GULP1: variants seen among roughly 807,000 people sequenced by gnomAD.
GULP1 encodes GULP PTB domain containing engulfment adaptor 1.
A neutral mutation model predicts 40.9 loss-of-function variants in GULP1; 19 were observed. That is an observed-to-expected ratio of 0.46 (90% CI 0.32 to 0.68). The LOEUF is 0.68. Among genes scored for constraint, GULP1 ranks in the 30% least tolerant of loss-of-function variants. The probability of loss-of-function intolerance (pLI) is 0.03; values close to 1 mark genes in which losing one functional copy is unlikely to be tolerated. For missense variants in GULP1, 312 were observed against 362.2 expected (o/e 0.86, Z 1.12); for synonymous variants, 119 against 117.6 (o/e 1.01, Z -0.08).
chr2:188,412,636 A>G (rs530852185), intron 2 of GULP1, among the ~76,000 whole-genome samples: 2 of 152,174 alleles, frequency 1.3e-5, no homozygotes, highest in Non-Finnish European at 2.9e-5. Flanking sequence ...TTGAAGTGGT[A>G]TTGGGCATCT....
intron 4 of GULP1, among the ~76,000 whole-genome samples, chr2:188,496,031 G>C (rs1055394975): frequency 1.3e-5 from 2 of 151,864 alleles, no homozygotes; most frequent in Non-Finnish European, 2.9e-5. Context: ...CTCTCTTCCT[G>C]CCCTGTCTCC....
rs572306834 is a variant in GULP1, at chr2:188,594,229, C to T, written c.*218C>T. On this transcript the variant is annotated 3_prime_UTR_variant, in exon 12 of 12. Transcript: ENST00000409830. Reference sequence around the variant, plus strand: ...TAAAGTAGATCATACTTTTATGTTCCTTTCTGTTTCTACTGTAGATGAATT... The same window carrying T: ...TAAAGTAGATCATACTTTTATGTTCTTTTCTGTTTCTACTGTAGATGAATT... 4.3e-5 allele frequency: 15 copies of T among 346,802 alleles called. No homozygotes were observed. Among genetic ancestry groups the T allele is most frequent in the African/African-American group, 3.1e-4 (15 of 47,768 alleles). 21.5% of individuals were successfully genotyped at this position (346,802 alleles called of 1,614,324 possible).
At chr2:188,515,547 C>T (rs767657302) in intron 4 of GULP1, among the ~76,000 whole-genome samples, 5 of 152,106 alleles carry the variant, frequency 3.3e-5, no homozygotes, top group African/African-American at 4.8e-5. Context: ...TTCTTCCTTA[C>T]ATCTTATTAA....
At chr2:188,387,380 G>A (rs2049924821) in intron 2 of GULP1, among the ~76,000 whole-genome samples, 1 of 152,122 alleles carries the variant, frequency 6.6e-6, no homozygotes. Context: ...ACTGTGATTA[G>A]CAATGGCAGT....
chr2:188,441,134 A>G (rs2152865080), intron 2 of GULP1, among the ~76,000 whole-genome samples: 1 of 152,314 alleles, frequency 6.6e-6, no homozygotes, highest in South Asian at 2.1e-4. Context: ...GGAGATGAAT[A>G]TAATATACCT....
intron 7 of GULP1, among the ~76,000 whole-genome samples, chr2:188,559,410 G>A (rs769709722): frequency 1.5e-4 from 23 of 152,194 alleles, no homozygotes; most frequent in Non-Finnish European, 3.1e-4. Context: ...GAAACTCCTG[G>A]ATGCCCAGGC....
At chr2:188,327,948 A>G (rs988983174) in intron 1 of GULP1, among the ~76,000 whole-genome samples, 3 of 152,120 alleles carry the variant, frequency 2.0e-5, no homozygotes, top group Admixed American at 6.6e-5. Context: ...GAAACTTCCT[A>G]CTTCTCCCAC....
chr2:188,361,983 A>G (rs904117505), intron 1 of GULP1, among the ~76,000 whole-genome samples: 3 of 152,012 alleles, frequency 2.0e-5, no homozygotes, highest in African/African-American at 7.2e-5. Context: ...ACTGAGATTT[A>G]TTGTTCCTCA....
intron 2 of GULP1, among the ~76,000 whole-genome samples, chr2:188,385,572 G>A (rs1040244725): frequency 2.6e-4 from 39 of 152,248 alleles, no homozygotes; most frequent in African/African-American, 8.9e-4. Context: ...CTCAGAAAAC[G>A]GGATTTTCTT....
chr2:188,529,170 T>C lies in GULP1; in HGVS notation c.236T>C (p.Val79Ala). Residue 79 changes from valine to alanine, a missense_variant, in exon 6 of 12, where the codon GTA (valine) becomes GCA (alanine). Physicochemically the swap from Val to Ala is moderately conservative, Grantham distance 64. Transcript: ENST00000409830. ...KVELQISIYGVKILEPKTKEV... is the reference protein window; with the variant it reads ...KVELQISIYGAKILEPKTKEV... ...GAGTTGCAAATATCAATTTATGGAG[T>C]AAAAATTCTAGAACCCAAAACAAAG... 6.4e-7 allele frequency: 1 copy of C among 1,570,262 alleles called. No homozygotes were observed. Among genetic ancestry groups the C allele is most frequent in the Non-Finnish European group, 8.7e-7 (1 of 1,147,048 alleles).
Position 188,569,374 on chromosome 2 carries a change from T to C in GULP1, c.516+19T>C, listed in dbSNP as rs1428973025. 1 of 1,154,986 alleles carries C rather than the reference T, an allele frequency of 8.7e-7. No individual in the cohort carries two copies. The highest frequency in any genetic ancestry group is 2.3e-5 in the East Asian group (1 of 42,782). 71.5% of individuals were successfully genotyped at this position (1,154,986 alleles called of 1,614,324 possible). ...AAAAAGAGTGAGTAAACTAAGCTTG[T>C]TGTTTTACATTTGTGTGATGTAAGT... On this transcript the variant is annotated intron_variant, in intron 8 of 11. Transcript: ENST00000409830.
chr2:188,312,094 A>G (rs2038248837), intron 1 of GULP1, among the ~76,000 whole-genome samples: 1 of 151,558 alleles, frequency 6.6e-6, no homozygotes, highest in African/African-American at 2.4e-5. Flanking sequence ...CCATACCTAG[A>G]TTTGCTATTG....
At chr2:188,332,999 T>G (rs2041815653) in intron 1 of GULP1, among the ~76,000 whole-genome samples, 1 of 151,858 alleles carries the variant, frequency 6.6e-6, no homozygotes, top group Non-Finnish European at 1.5e-5. Context: ...ATCCCAGCAG[T>G]TTTGGGAGGA....
chr2:188,445,998 G>T (rs188202013), intron 2 of GULP1, among the ~76,000 whole-genome samples: 2 of 152,188 alleles, frequency 1.3e-5, no homozygotes, highest in East Asian at 3.9e-4. Flanking sequence ...ACTATTAGCT[G>T]CCCATTCTTC....
chr2:188,588,002 G>A (rs750077030), intron 11 of GULP1, 53 bp downstream of exon 11: 1 of 920,906 alleles, frequency 1.1e-6, no homozygotes, highest in Admixed American at 1.7e-5. Flanking sequence ...TTTGATATGG[G>A]ACAAAGAGAA....
intron 5 of GULP1, among the ~76,000 whole-genome samples, chr2:188,524,809 TC>T (rs1470474014): frequency 6.6e-6 from 1 of 151,792 alleles, no homozygotes; most frequent in East Asian, 1.9e-4. Context: ...TGCTTATTTT[TC>T]TTTAACATAT....
At chr2:188,389,289 A>G (rs371984966) in intron 2 of GULP1, among the ~76,000 whole-genome samples, 1 of 152,160 alleles carries the variant, frequency 6.6e-6, no homozygotes, top group African/African-American at 2.4e-5. Context: ...CCTTATTGAG[A>G]ATTGAGGAAT....
rs1397310333 is a variant in GULP1 at position 188,388,027 on chromosome 2, C to T, written c.-45+4138C>T. Among the ~76,000 whole-genome samples the T allele has an allele frequency of 4.0e-5, 6 of 150,020 alleles. No individual in the cohort carries two copies. The East Asian group carries it at 6.0e-4, about 15-fold the overall frequency. ...GTATATCTCCTAATGCTATCCCTCC[C>T]GCCTCCCCCCACCCCACAACAGTCC... On this transcript the variant is annotated intron_variant, in intron 2 of 11. Transcript: ENST00000409830.
chr2:188,412,861 T>C (rs1456504691), intron 2 of GULP1, among the ~76,000 whole-genome samples: 2 of 152,236 alleles, frequency 1.3e-5, no homozygotes, highest in Non-Finnish European at 1.5e-5. Flanking sequence ...CTTTAGTGCC[T>C]GCTTTGTTTC....
Sources: allele counts gnomAD v4.1 joint callset (sites outside exome capture counted in the v4.1 genomes callset), GRCh38; gene constraint gnomAD v4.1.1; transcripts MANE v1.5; gene names NCBI Gene and HGNC (gene_info 2026-07-23, HGNC 2026-07-21).